The following KCNJ8 variants were observed in gnomAD, a reference collection of about 807,000 sequenced individuals.
KCNJ8 encodes the protein potassium inwardly rectifying channel subfamily J member 8.
Under a neutral mutation model 28.2 loss-of-function variants are expected in KCNJ8, and 13 were observed. The ratio of observed to expected loss-of-function variants is 0.46; its 90% confidence interval spans 0.30 to 0.73. The LOEUF is 0.73. Ranked by LOEUF, KCNJ8 falls within the 30% of genes least tolerant of loss-of-function variation. The pLI is 0.07. For missense variants in KCNJ8, 284 were observed against 542.6 expected (o/e 0.52, Z 4.73); for synonymous variants, 188 against 195.9 (o/e 0.96, Z 0.34).
rs547114809 is a variant in KCNJ8, at chr12:21,765,376, A to G, written c.*347T>C. ...GCGATCTGGGTTTCACCAACTAAGC[A>G]TTTCAAACAGACTCATTTCTTGACC... On this transcript the variant is annotated 3_prime_UTR_variant, in exon 3 of 3. Transcript: ENST00000240662. The G allele has an allele frequency of 1.3e-3, 493 of 365,378 alleles. 15 individuals are homozygous for G. Among genetic ancestry groups the G allele is most frequent in the South Asian group, 8.9e-3 (360 of 40,308 alleles). 22.6% of individuals were successfully genotyped at this position (365,378 alleles called of 1,614,324 possible). A position where few individuals can be genotyped will look rare whatever the true frequency, so the allele number is the denominator to read the frequency against.
intron 2 of KCNJ8, among the ~76,000 whole-genome samples, chr12:21,767,426 C>G (rs1000553224): frequency 6.6e-6 from 1 of 151,670 alleles, no homozygotes; most frequent in Non-Finnish European, 1.5e-5. Context: ...AGAGCTCTGC[C>G]TCCAGTCAGG....
At position 21,773,543 on chromosome 12, in the gene KCNJ8, G is replaced by A; in HGVS notation, c.74C>T (p.Pro25Leu). Reference sequence around the variant, plus strand: ...TTTGGGGAGGCGGTCTCGGATGCGCGGCTTGCGCAGGTTCTCTGCGGCGAT... The same window carrying A: ...TTTGGGGAGGCGGTCTCGGATGCGCAGCTTGCGCAGGTTCTCTGCGGCGAT... The part of the protein sequence containing the change: ...ARIAAENLRK[P>L]RIRDRLPKAR... Residue 25 changes from proline to leucine, a missense_variant, in exon 2 of 3, where the codon CCG becomes CTG. Around this residue, in one of 8 missense-constraint regions of KCNJ8, gnomAD observed 54 missense variants for 77.5 expected, o/e 0.70. Transcript: ENST00000240662. This position sits in a 1 kb window ranked among gnomAD's most constrained non-coding sequence, Gnocchi z 4.6. The A allele has an allele frequency of 1.2e-6, 2 of 1,614,194 alleles. No individual in the cohort carries two copies. Among genetic ancestry groups the A allele is most frequent in the Non-Finnish European group, 1.7e-6 (2 of 1,180,044 alleles).
rs183725498 is a variant in KCNJ8 at position 21,766,959 on chromosome 12, A to G, written c.375-336T>C. ...AAAAGATTAATATATTTTCATATAT[A>G]TGCATATTTTACCTTGCGAAATACT... On this transcript the variant is annotated intron_variant, in intron 2 of 2. Coordinates refer to ENST00000240662, the MANE Select transcript of KCNJ8 (RefSeq NM_004982.4). This position sits in a 1 kb window ranked among gnomAD's most constrained non-coding sequence, Gnocchi z 6.5. Among the ~76,000 whole-genome samples the G allele has an allele frequency of 1.3e-5, 2 of 152,336 alleles. No homozygotes were observed. Among genetic ancestry groups the G allele is most frequent in the African/African-American group, 2.4e-5 (1 of 41,582 alleles).
Position 21,773,812 on chromosome 12 carries a change from A to G in KCNJ8, c.-70-126T>C, listed in dbSNP as rs1940820252. ...ATGCAAAACCAAAAATGTGATTTTT[A>G]CTAACCCAAACATGAATCTAGCTTG... On this transcript the variant is annotated intron_variant, in intron 1 of 2. Coordinates refer to ENST00000240662, the MANE Select transcript of KCNJ8 (RefSeq NM_004982.4). The surrounding 1 kb of genome is among the most constrained non-coding windows in gnomAD (Gnocchi z 4.6). 1.5e-6 allele frequency: 1 copy of G among 649,448 alleles called. No homozygotes were observed. Among genetic ancestry groups the G allele is most frequent in the Non-Finnish European group, 2.6e-6 (1 of 378,250 alleles). 40.2% of individuals were successfully genotyped at this position (649,448 alleles called of 1,614,324 possible).
rs570872769 is a variant in KCNJ8, at chr12:21,774,648, G to A, written c.-173C>T. On this transcript the variant is annotated 5_prime_UTR_variant, in exon 1 of 3. Transcript: ENST00000240662. Reference sequence around the variant, plus strand: ...ATGCTGGCGCGCGGGACCAGGGGCCGCCCAGGCCGGAGGGACAAATTGGGG... The same window carrying A: ...ATGCTGGCGCGCGGGACCAGGGGCCACCCAGGCCGGAGGGACAAATTGGGG... 144 of 152,396 alleles carry A rather than the reference G, an allele frequency of 9.4e-4. No homozygotes were observed. In the Middle Eastern group the frequency reaches 0.01, roughly 11 times the overall value. 9.4% of individuals were successfully genotyped at this position (152,396 alleles called of 1,614,324 possible).
At chr12:21,771,198 C>T (rs1940747513) in intron 2 of KCNJ8, among the ~76,000 whole-genome samples, 1 of 152,064 alleles carries the variant, frequency 6.6e-6, no homozygotes, top group African/African-American at 2.4e-5. Context: ...CCTCAGAGAG[C>T]AGTCTAATGA....
Position 21,766,115 on chromosome 12 carries a change from T to A in KCNJ8, c.883A>T (p.Ile295Phe). Residue 295 changes from isoleucine (I) to phenylalanine (F), a missense_variant, in exon 3 of 3, where the codon ATT becomes TTT. Coordinates refer to ENST00000240662, the MANE Select transcript of KCNJ8 (RefSeq NM_004982.4). This position sits in a 1 kb window ranked among gnomAD's most constrained non-coding sequence, Gnocchi z 6.5. ...GTAGTTTCAACCACTCCTTCCAGAA[T>A]AACTATGACCTCCAAGTCTTGGTTG... ...LANQDLEVIV[I>F]LEGVVETTGI... The A allele has an allele frequency of 6.2e-7, 1 of 1,614,206 alleles. No homozygotes were observed. The highest frequency in any genetic ancestry group is 8.5e-7 in the Non-Finnish European group (1 of 1,180,038).
rs1000277319 is a variant in KCNJ8, at chr12:21,766,814, C to G, written c.375-191G>C. ...CAGTCTCTCTCTCTCTTGCATGCATCTACCTCCAGACTTCTGGAGATTAAC... is the reference window on the plus strand; with the variant it reads ...CAGTCTCTCTCTCTCTTGCATGCATGTACCTCCAGACTTCTGGAGATTAAC... On this transcript the variant is annotated intron_variant, in intron 2 of 2. Coordinates refer to ENST00000240662, the MANE Select transcript of KCNJ8 (RefSeq NM_004982.4). The surrounding 1 kb of genome is among the most constrained non-coding windows in gnomAD (Gnocchi z 6.5). 1.6e-6 allele frequency: 1 copy of G among 613,610 alleles called. No individual in the cohort carries two copies. Among genetic ancestry groups the G allele is most frequent in the African/African-American group, 1.8e-5 (1 of 54,368 alleles). The allele number at this position is 613,610 out of a possible 1,614,324, so 38.0% of individuals were successfully genotyped here.
At chr12:21,772,245 T>A (rs1038875650) in intron 2 of KCNJ8, among the ~76,000 whole-genome samples, 2 of 152,250 alleles carry the variant, frequency 1.3e-5, no homozygotes, top group Non-Finnish European at 2.9e-5. Flanking sequence ...TTTTCAAGTT[T>A]CTTTGCTTTG....
At chr12:21,770,615 T>C (rs1185316602) in intron 2 of KCNJ8, among the ~76,000 whole-genome samples, 1 of 152,232 alleles carries the variant, frequency 6.6e-6, no homozygotes, top group Non-Finnish European at 1.5e-5. Flanking sequence ...TGAATAGACA[T>C]TGATTTGGTA....
Position 21,765,360 on chromosome 12 carries a change from GT to G in KCNJ8, c.*362del, listed in dbSNP as rs1940593411. 7.3e-5 allele frequency: 25 copies of G among 343,554 alleles called. No homozygotes were observed. The highest frequency in any genetic ancestry group is 5.9e-4 in the South Asian group (22 of 37,072). 21.3% of individuals were successfully genotyped at this position (343,554 alleles called of 1,614,324 possible). On this transcript the variant is annotated 3_prime_UTR_variant, in exon 3 of 3. Coordinates refer to ENST00000240662, the MANE Select transcript of KCNJ8 (RefSeq NM_004982.4). ...GATCATTAGTAACACAGCGATCTGGGTTTCACCAACTAAGCATTTCAAACAG... is the reference window on the plus strand; with the variant it reads ...GATCATTAGTAACACAGCGATCTGGGTTCACCAACTAAGCATTTCAAACAG...
chr12:21,767,331 G>T (rs931931984), intron 2 of KCNJ8, among the ~76,000 whole-genome samples: 1 of 65,402 alleles, frequency 1.5e-5, no homozygotes. Context: ...CCACCTCCAG[G>T]CCAGGGACCA....
chr12:21,767,281 C>G (rs1481587975), intron 2 of KCNJ8, among the ~76,000 whole-genome samples: 2 of 148,618 alleles, frequency 1.3e-5, no homozygotes, highest in Non-Finnish European at 3.0e-5. Flanking sequence ...TATTGATGAT[C>G]TAATTTTGTT....
rs1489591926 is a variant in KCNJ8, at chr12:21,773,889, T to G, written c.-70-203A>C. Among the ~76,000 whole-genome samples, 2 of 152,204 alleles carry G rather than the reference T, an allele frequency of 1.3e-5. No individual in the cohort carries two copies. The highest frequency in any genetic ancestry group is 4.8e-5 in the African/African-American group (2 of 41,448). On this transcript the variant is annotated intron_variant, in intron 1 of 2. Transcript: ENST00000240662. This position sits in a 1 kb window ranked among gnomAD's most constrained non-coding sequence, Gnocchi z 4.6. ...ATTACTTGGTTTTAATAAAAAGAAC[T>G]GTTTCAATTTTTCTTATTCTGAGTA...
At chr12:21,771,847 A>G (rs890368364) in intron 2 of KCNJ8, among the ~76,000 whole-genome samples, 2 of 152,194 alleles carry the variant, frequency 1.3e-5, no homozygotes, top group Non-Finnish European at 2.9e-5. Flanking sequence ...TAGAGTATCT[A>G]TTGAACGTTT....
chr12:21,765,352 C>T lies in KCNJ8; in HGVS notation c.*371G>A, dbSNP rs532271138. On this transcript the variant is annotated 3_prime_UTR_variant, in exon 3 of 3. Coordinates refer to ENST00000240662, the MANE Select transcript of KCNJ8 (RefSeq NM_004982.4). ...TCCAGAGTGATCATTAGTAACACAGCGATCTGGGTTTCACCAACTAAGCAT... is the reference window on the plus strand; with the variant it reads ...TCCAGAGTGATCATTAGTAACACAGTGATCTGGGTTTCACCAACTAAGCAT... The T allele has an allele frequency of 1.5e-5, 5 of 329,912 alleles. No homozygotes were observed. Among genetic ancestry groups the T allele is most frequent in the Admixed American group, 4.5e-5 (1 of 22,282 alleles). 20.4% of individuals were successfully genotyped at this position (329,912 alleles called of 1,614,324 possible). A position where few individuals can be genotyped will look rare whatever the true frequency, so the allele number is the denominator to read the frequency against.
intron 2 of KCNJ8, among the ~76,000 whole-genome samples, chr12:21,771,180 T>C (rs1427988315): frequency 1.3e-5 from 2 of 152,224 alleles, no homozygotes; most frequent in African/African-American, 4.8e-5. Flanking sequence ...TCTGATAATG[T>C]ATCCATACCT....
chr12:21,769,759 C>G (rs1199692409), intron 2 of KCNJ8, among the ~76,000 whole-genome samples: 1 of 152,156 alleles, frequency 6.6e-6, no homozygotes, highest in Non-Finnish European at 1.5e-5. Context: ...GAGGGAGTCA[C>G]TGCACATGTG....
chr12:21,772,151 C>G (rs1478552173), intron 2 of KCNJ8, among the ~76,000 whole-genome samples: 1 of 152,156 alleles, frequency 6.6e-6, no homozygotes, highest in African/African-American at 2.4e-5. Flanking sequence ...CTGGGGTCCA[C>G]TTTCTGCAGT....
Sources: gnomAD v4.1 joint callset for allele counts (sites outside exome capture counted in the v4.1 genomes callset) on GRCh38, gnomAD v4.1.1 for gene constraint, gnomAD v4.1.1 regional missense constraint, Gnocchi (gnomAD v3.1) non-coding constraint, MANE v1.5 for transcripts, NCBI Gene and HGNC (gene_info 2026-07-23, HGNC 2026-07-21) for gene names.